SYNE2: variants seen among roughly 807,000 people sequenced by gnomAD.
SYNE2 encodes nesprin-2.
A neutral mutation model predicts 856.3 loss-of-function variants in SYNE2; 431 were observed. That is an observed-to-expected ratio of 0.50 (90% CI 0.47 to 0.55). The LOEUF is 0.55. SYNE2 is among the 20% of genes least tolerant of loss of function. The pLI, the probability that SYNE2 is intolerant of heterozygous loss-of-function variation, is 0.00. For synonymous variants in SYNE2, 2,923 were observed against 2,872.3 expected (o/e 1.02, Z -0.56); for missense variants, 8,129 against 8,023.2 (o/e 1.01, Z -0.50).
intron 70 of SYNE2, chr14:64,122,651 A>C (rs917624332): frequency 1.7e-5 from 11 of 632,364 alleles, no homozygotes; most frequent in Non-Finnish European, 2.8e-5. Context: ...TATAACAACT[A>C]TCCGCCTGTT....
intron 107 of SYNE2, 133 bp downstream of exon 107, chr14:64,215,487 G>C (rs913815010): frequency 1.1e-6 from 1 of 904,122 alleles, no homozygotes; most frequent in East Asian, 2.4e-5. Flanking sequence ...GTGTCATGGT[G>C]TATTTACACT....
chr14:63,898,037 A>G (rs1364264381), intron 1 of SYNE2, among the ~76,000 whole-genome samples: 1 of 152,194 alleles, frequency 6.6e-6, no homozygotes, highest in Non-Finnish European at 1.5e-5. Context: ...TTTATGTTCA[A>G]AGCCACTCAT....
chr14:63,846,586 G>GT (rs1555344395), intron 1 of SYNE2, among the ~76,000 whole-genome samples: 3 of 116,160 alleles, frequency 2.6e-5, no homozygotes, highest in Admixed American at 9.0e-5. Context: ...TTTTTTTTCT[G>GT]TTTTTTGTTT....
chr14:63,857,431 A>G (rs896456088), intron 1 of SYNE2, among the ~76,000 whole-genome samples: 2 of 152,242 alleles, frequency 1.3e-5, no homozygotes, highest in African/African-American at 4.8e-5. Flanking sequence ...TAAAGCTGCC[A>G]TGAACATTAT....
chr14:64,122,203 T>C, intron 69 of SYNE2, 70 bp downstream of exon 69: 1 of 1,614,010 alleles, frequency 6.2e-7, no homozygotes, highest in Non-Finnish European at 8.5e-7. Context: ...GTGTTTCTTT[T>C]AAAAATTGCT....
chr14:64,081,572 A>T lies in SYNE2; in HGVS notation c.11476A>T (p.Thr3826Ser). ...GAGGACACTGAGTCACCATGCTAGC[A>T]CTGTGCAGGTAAGTGTTCTTCCAGG... ...SLRTLSHHAS[T>S]VQMALEDSEQ... Residue 3826 changes from threonine to serine, a missense_variant, in exon 57 of 116, where the codon ACT (threonine) becomes TCT (serine). Physicochemically the swap from Thr to Ser is moderately conservative, Grantham distance 58. Coordinates refer to ENST00000555002, the MANE Select transcript of SYNE2 (RefSeq NM_182914.3). 2 of 1,614,086 alleles carry T rather than the reference A, an allele frequency of 1.2e-6. No homozygotes were observed. Among genetic ancestry groups the T allele is most frequent in the South Asian group, 2.2e-5 (2 of 91,072 alleles).
intron 84 of SYNE2, among the ~76,000 whole-genome samples, chr14:64,147,825 T>C (rs943228364): frequency 2.6e-5 from 4 of 152,194 alleles, no homozygotes; most frequent in African/African-American, 9.6e-5. Context: ...GAGTTTAAAC[T>C]GGATACAAAA....
intron 2 of SYNE2, among the ~76,000 whole-genome samples, chr14:63,928,858 CAG>C (rs750953564): frequency 3.3e-5 from 5 of 152,106 alleles, no homozygotes; most frequent in Non-Finnish European, 5.9e-5. Flanking sequence ...TCCTAGCTAA[CAG>C]TGAGTTGGCA....
chr14:63,885,690 C>T (rs1293748070), intron 1 of SYNE2, among the ~76,000 whole-genome samples: 8 of 152,178 alleles, frequency 5.3e-5, no homozygotes, highest in Non-Finnish European at 1.0e-4. Flanking sequence ...CAGCCTCAAA[C>T]TCCTGGGCTC....
At chr14:63,837,936 A>G (rs1889914902) in intron 1 of SYNE2, among the ~76,000 whole-genome samples, 1 of 151,464 alleles carries the variant, frequency 6.6e-6, no homozygotes, top group East Asian at 1.9e-4. Flanking sequence ...AAAAAAAAAA[A>G]AAAAAAGAGC....
At chr14:64,047,965 G>A (rs2097198207) in intron 45 of SYNE2, 35 bp from the exon 46 acceptor site, 9 of 1,606,336 alleles carry the variant, frequency 5.6e-6, no homozygotes, top group Non-Finnish European at 7.7e-6. Flanking sequence ...TTGGAAAGTA[G>A]ACTATTCAGC....
intron 61 of SYNE2, among the ~76,000 whole-genome samples, chr14:64,095,283 CTA>C (rs760611724): frequency 6.6e-6 from 1 of 152,124 alleles, no homozygotes; most frequent in Non-Finnish European, 1.5e-5. Context: ...TTCTTTGAAA[CTA>C]TACTAAAACC....
In SYNE2 at chr14:64,180,546, C is replaced by G. The variant is rs1392297243; in HGVS notation, c.17556+3063C>G. On this transcript the variant is annotated intron_variant, in intron 96 of 115. Transcript: ENST00000555002. ...TGAGATGGAGCTTCGTTCTTGTCAC[C>G]CAGGCTGGCGTGCAGTGGCACGATC... is the stretch of plus-strand genomic sequence containing the variant. 2.0e-5 allele frequency among the ~76,000 whole-genome samples: 3 copies of G among 151,604 alleles called. No homozygotes were observed. In the East Asian group the frequency reaches 5.8e-4, roughly 29 times the overall value.
rs199571509 is a variant in SYNE2 at position 64,113,398 on chromosome 14, T to G, written c.12667T>G (p.Leu4223Val). 6.2e-7 allele frequency: 1 copy of G among 1,614,122 alleles called. No homozygotes were observed. Among genetic ancestry groups the G allele is most frequent in the Admixed American group, 1.7e-5 (1 of 60,018 alleles). The change falls in exon 66 of 116, where the codon TTG becomes GTG. Residue 4223 changes from leucine to valine, a missense_variant. By Grantham distance (32) the Leu-to-Val change is conservative (BLOSUM62 1). Transcript: ENST00000555002. ...TLDSSDAQGG[L>V]EPRVEKTRPE... Reference sequence around the variant, plus strand: ...GGACTCTTCTGACGCGCAAGGAGGTTTGGAGCCCAGGGTGGAGAAAACTAG... The same window carrying G: ...GGACTCTTCTGACGCGCAAGGAGGTGTGGAGCCCAGGGTGGAGAAAACTAG...
intron 11 of SYNE2, among the ~76,000 whole-genome samples, chr14:63,968,430 T>C (rs976195006): frequency 1.3e-5 from 2 of 152,226 alleles, no homozygotes; most frequent in Non-Finnish European, 2.9e-5. Flanking sequence ...ATTATCTATA[T>C]TTTGATTGAC....
intron 99 of SYNE2, among the ~76,000 whole-genome samples, chr14:64,199,905 C>A (rs1215852727): frequency 2.6e-5 from 4 of 152,018 alleles, no homozygotes; most frequent in African/African-American, 9.7e-5. Context: ...TATTCCTACA[C>A]CCCATTGGTT....
At chr14:64,205,559 C>T (rs1421725554) in intron 100 of SYNE2, among the ~76,000 whole-genome samples, 1 of 152,172 alleles carries the variant, frequency 6.6e-6, no homozygotes, top group East Asian at 1.9e-4. Flanking sequence ...AAGCCCTCAG[C>T]CCCCAAAAGT....
chr14:64,211,123 C>T (rs538898537), intron 103 of SYNE2, among the ~76,000 whole-genome samples: 11 of 152,176 alleles, frequency 7.2e-5, no homozygotes, highest in South Asian at 2.1e-4. Flanking sequence ...CTAGGATTAC[C>T]GGCGTGCATC....
chr14:64,063,034 A>C, intron 50 of SYNE2, 139 bp downstream of exon 50: 1 of 1,036,954 alleles, frequency 9.6e-7, no homozygotes, highest in Non-Finnish European at 1.5e-6. Context: ...ATATTCCTCA[A>C]ATCGAAAGCC....
Sources: allele counts gnomAD v4.1 joint callset (sites outside exome capture counted in the v4.1 genomes callset), GRCh38; gene constraint gnomAD v4.1.1; transcripts MANE v1.5; gene names NCBI Gene and HGNC (gene_info 2026-07-23, HGNC 2026-07-21).